The following MGAT4C variants were observed in gnomAD, a reference collection of about 807,000 sequenced individuals.
MGAT4C encodes alpha-1,3-mannosyl-glycoprotein 4-beta-N-acetylglucosaminyltransferase C.
In MGAT4C, 19 loss-of-function variants were observed where a neutral mutation model predicts 40.1. The ratio of observed to expected loss-of-function variants is 0.47; its 90% CI spans 0.33 to 0.70. MGAT4C has a LOEUF of 0.70. MGAT4C is among the 30% of genes least tolerant of loss of function. The pLI is 0.02. For missense variants in MGAT4C, 491 were observed against 563.2 expected (o/e 0.87, Z 1.30); for synonymous variants, 181 against 187.1 (o/e 0.97, Z 0.27).
At chr12:86,733,052 T>C (rs1438966218) in intron 1 of MGAT4C, among the ~76,000 whole-genome samples, 1 of 152,088 alleles carries the variant, frequency 6.6e-6, no homozygotes, top group East Asian at 1.9e-4. Flanking sequence ...TTTGGAAGAA[T>C]GAAAAATTAA....
intron 1 of MGAT4C, among the ~76,000 whole-genome samples, chr12:86,175,569 G>C (rs1887314264): frequency 6.6e-6 from 1 of 152,012 alleles, no homozygotes; most frequent in Admixed American, 6.6e-5. Context: ...TTCTCTCTCA[G>C]ATTTGTAAGT....
chr12:86,773,679 T>A (rs1951677873), intron 1 of MGAT4C, among the ~76,000 whole-genome samples: 1 of 152,086 alleles, frequency 6.6e-6, no homozygotes, highest in African/African-American at 2.4e-5. Context: ...ATAATTTATA[T>A]TCATATCTCT....
chr12:86,512,902 T>C (rs976613359), intron 2 of MGAT4C, among the ~76,000 whole-genome samples: 5 of 152,154 alleles, frequency 3.3e-5, no homozygotes, highest in African/African-American at 1.2e-4. Context: ...TTTAAAATTA[T>C]TTTTAAAGGG....
intron 1 of MGAT4C, among the ~76,000 whole-genome samples, chr12:86,757,989 G>A (rs1442485438): frequency 6.6e-6 from 1 of 152,128 alleles, no homozygotes; most frequent in African/African-American, 2.4e-5. Flanking sequence ...AGGGTGAGCT[G>A]AAAAAGTAAG....
intron 2 of MGAT4C, among the ~76,000 whole-genome samples, chr12:86,510,138 C>T (rs1958546866): frequency 6.6e-6 from 1 of 152,150 alleles, no homozygotes; most frequent in African/African-American, 2.4e-5. Flanking sequence ...CTGTCTTGTG[C>T]CAGTTTTCAA....
chr12:86,249,282 A>G (rs1952167354), intron 1 of MGAT4C, among the ~76,000 whole-genome samples: 1 of 152,140 alleles, frequency 6.6e-6, no homozygotes, highest in African/African-American at 2.4e-5. Context: ...CAATTATGTC[A>G]TGTGTGACCC....
At chr12:86,294,529 A>C (rs542500894) in intron 4 of MGAT4C, among the ~76,000 whole-genome samples, 38 of 152,328 alleles carry the variant, frequency 2.5e-4, no homozygotes, top group African/African-American at 9.1e-4. Flanking sequence ...AATCAAAACA[A>C]AAAGAGAACA....
intron 2 of MGAT4C, among the ~76,000 whole-genome samples, chr12:86,542,538 G>A (rs991113840): frequency 6.6e-6 from 1 of 152,046 alleles, no homozygotes; most frequent in African/African-American, 2.4e-5. Context: ...CTTCTTTCAT[G>A]GCATTTTTGT....
At chr12:86,187,011 C>A (rs1219167949) in intron 1 of MGAT4C, among the ~76,000 whole-genome samples, 2 of 152,030 alleles carry the variant, frequency 1.3e-5, no homozygotes, top group East Asian at 3.9e-4. Context: ...GCTAAGAAGG[C>A]AAACCAAAAT....
chr12:86,464,894 G>T lies in MGAT4C; in HGVS notation c.-228-29629C>A, dbSNP rs1170464654. Among the ~76,000 whole-genome samples, 6 of 152,098 alleles carry T rather than the reference G, an allele frequency of 3.9e-5. No individual in the cohort carries two copies. In the East Asian group the frequency reaches 1.2e-3, roughly 29 times the overall value. The stretch of plus-strand genomic sequence containing the variant: ...AGTTCATTATTCATATATGAATAAT[G>T]CATTATATTTATATGATATACTATA... On this transcript the variant is annotated intron_variant, in intron 2 of 7. Transcript: ENST00000548651.
At chr12:86,124,134 T>C (rs1213035641) in intron 1 of MGAT4C, among the ~76,000 whole-genome samples, 1 of 152,078 alleles carries the variant, frequency 6.6e-6, no homozygotes, top group Non-Finnish European at 1.5e-5. Flanking sequence ...ACTTCAAAAT[T>C]ATGAGTTAAT....
At chr12:86,325,717 A>C (rs191081666) in intron 4 of MGAT4C, among the ~76,000 whole-genome samples, 1 of 152,190 alleles carries the variant, frequency 6.6e-6, no homozygotes, top group East Asian at 1.9e-4. Flanking sequence ...ATCTCTACAA[A>C]AAATACAAAA....
intron 2 of MGAT4C, among the ~76,000 whole-genome samples, chr12:86,610,576 T>G (rs1425379877): frequency 6.6e-6 from 1 of 152,018 alleles, no homozygotes; most frequent in Non-Finnish European, 1.5e-5. Flanking sequence ...TTTTTCATTT[T>G]CTTTCTTTTT....
chr12:86,706,942 G>C (rs1950469568), intron 2 of MGAT4C, among the ~76,000 whole-genome samples: 1 of 152,132 alleles, frequency 6.6e-6, no homozygotes, highest in Admixed American at 6.5e-5. Flanking sequence ...GAGATGTCAT[G>C]GTTTTATAAG....
intron 3 of MGAT4C, among the ~76,000 whole-genome samples, chr12:86,390,923 C>T (rs1956150072): frequency 6.6e-6 from 1 of 152,154 alleles, no homozygotes. Flanking sequence ...TCTAATTCTA[C>T]AACCCGTATC....
At chr12:86,767,835 C>A (rs1192142838) in intron 1 of MGAT4C, among the ~76,000 whole-genome samples, 1 of 152,150 alleles carries the variant, frequency 6.6e-6, no homozygotes, top group Non-Finnish European at 1.5e-5. Context: ...GCTAAAAACT[C>A]TCAGTAAATT....
intron 1 of MGAT4C, among the ~76,000 whole-genome samples, chr12:86,761,487 T>C (rs1383207407): frequency 6.6e-6 from 1 of 152,210 alleles, no homozygotes; most frequent in Non-Finnish European, 1.5e-5. Context: ...TAATTTCCTA[T>C]TACCACTGTA....
chr12:86,338,958 CA>C (rs67462771), intron 3 of MGAT4C, among the ~76,000 whole-genome samples: 10,088 of 65,340 alleles, frequency 0.15, 101 homozygotes, highest in Middle Eastern at 0.3. Context: ...GACTCCATCT[CA>C]AAAAAAAAAA....
intron 2 of MGAT4C, among the ~76,000 whole-genome samples, chr12:86,604,146 G>T (rs1178276707): frequency 6.6e-6 from 1 of 152,076 alleles, no homozygotes; most frequent in Non-Finnish European, 1.5e-5. Context: ...TTGACAGGAT[G>T]CCAAGAACAG....
Sources: allele counts gnomAD v4.1 joint callset (sites outside exome capture counted in the v4.1 genomes callset), GRCh38; gene constraint gnomAD v4.1.1; transcripts MANE v1.5; gene names NCBI Gene and HGNC (gene_info 2026-07-23, HGNC 2026-07-21).